The following KCNQ5 variants were observed in gnomAD, a reference collection of about 807,000 sequenced individuals.
KCNQ5 encodes potassium voltage-gated channel subfamily Q member 5, also known as potassium voltage-gated channel subfamily KQT member 5.
KCNQ5 carries 30 observed loss-of-function variants against 98.2 expected under a neutral mutation model. The observed-to-expected ratio is 0.31, with a 90% CI of 0.23 to 0.41. KCNQ5 has a LOEUF of 0.41. Among genes scored for constraint, KCNQ5 ranks in the 10% least tolerant of loss-of-function variants. KCNQ5 has a pLI of 1.00. For missense variants in KCNQ5, 835 were observed against 1,182.5 expected (o/e 0.71, Z 4.31); for synonymous variants, 458 against 449.4 (o/e 1.02, Z -0.24).
intron 3 of KCNQ5, among the ~76,000 whole-genome samples, chr6:73,063,340 G>A (rs1772868499): frequency 6.6e-6 from 1 of 152,146 alleles, no homozygotes; most frequent in Admixed American, 6.5e-5. Context: ...CGCCTGACCT[G>A]CAGCTTCAGG....
At chr6:72,947,415 A>G (rs1766598254) in intron 1 of KCNQ5, among the ~76,000 whole-genome samples, 1 of 152,174 alleles carries the variant, frequency 6.6e-6, no homozygotes, top group South Asian at 2.1e-4. Context: ...CATAACGGAG[A>G]TACAAGCAAG....
At chr6:72,806,991 G>A (rs1300092308) in intron 1 of KCNQ5, 1 of 247,732 alleles carries the variant, frequency 4.0e-6, no homozygotes, top group Non-Finnish European at 8.0e-6. Flanking sequence ...TGTATATGTT[G>A]CATTTCTCAT....
intron 1 of KCNQ5, among the ~76,000 whole-genome samples, chr6:72,931,602 T>A (rs1765696239): frequency 6.6e-6 from 1 of 152,076 alleles, no homozygotes; most frequent in South Asian, 2.1e-4. Flanking sequence ...AGTCAGCAGG[T>A]GGGAAAGCCA....
intron 1 of KCNQ5, among the ~76,000 whole-genome samples, chr6:72,999,642 T>C: frequency 6.6e-6 from 1 of 152,222 alleles, no homozygotes; most frequent in Non-Finnish European, 1.5e-5. Flanking sequence ...TTCAGCAATC[T>C]TGTGGAAACT....
intron 1 of KCNQ5, among the ~76,000 whole-genome samples, chr6:72,951,223 T>A (rs1766787578): frequency 6.6e-6 from 1 of 152,156 alleles, no homozygotes; most frequent in Non-Finnish European, 1.5e-5. Context: ...TTAAATTAAT[T>A]TAACCTCTTA....
chr6:72,802,576 A>G (rs1174634435), intron 1 of KCNQ5, among the ~76,000 whole-genome samples: 3 of 152,184 alleles, frequency 2.0e-5, no homozygotes, highest in Non-Finnish European at 4.4e-5. Context: ...CTTAGAAAGA[A>G]TTCTGTTTGT....
chr6:73,008,457 G>A (rs548164275), intron 2 of KCNQ5, among the ~76,000 whole-genome samples: 2 of 152,070 alleles, frequency 1.3e-5, no homozygotes, highest in South Asian at 4.1e-4. Context: ...GAGAGCAGAG[G>A]TGGCTATACT....
intron 2 of KCNQ5, among the ~76,000 whole-genome samples, chr6:73,006,988 G>A (rs1246168296): frequency 6.6e-6 from 1 of 152,104 alleles, no homozygotes; most frequent in African/African-American, 2.4e-5. Flanking sequence ...TTGTTCCCTT[G>A]AGGGCACCAG....
chr6:72,700,294 T>C (rs1319571574), intron 1 of KCNQ5, among the ~76,000 whole-genome samples: 2 of 84,596 alleles, frequency 2.4e-5, no homozygotes, highest in African/African-American at 5.8e-5. Flanking sequence ...TATATCTATA[T>C]CTATCTATCT....
At chr6:73,186,626 G>C (rs1411600305) in intron 11 of KCNQ5, among the ~76,000 whole-genome samples, 2 of 151,896 alleles carry the variant, frequency 1.3e-5, no homozygotes, top group Non-Finnish European at 1.5e-5. Context: ...CCATGGTACA[G>C]ACGCAATAGA....
intron 1 of KCNQ5, among the ~76,000 whole-genome samples, chr6:72,870,462 G>A (rs1238508184): frequency 6.6e-6 from 1 of 151,918 alleles, no homozygotes; most frequent in East Asian, 1.9e-4. Flanking sequence ...TGTTGTCCAG[G>A]CTGCTCTCGG....
At chr6:72,721,335 A>G (rs1769947733) in intron 1 of KCNQ5, among the ~76,000 whole-genome samples, 1 of 152,012 alleles carries the variant, frequency 6.6e-6, no homozygotes, top group South Asian at 2.1e-4. Context: ...CAGTGTTATT[A>G]TTTTAGGTTT....
At chr6:72,907,050 T>A (rs1235041987) in intron 1 of KCNQ5, among the ~76,000 whole-genome samples, 3 of 152,244 alleles carry the variant, frequency 2.0e-5, no homozygotes, top group African/African-American at 7.2e-5. Flanking sequence ...CCGTGCTTTT[T>A]TTCCATCTAG....
At chr6:72,932,769 T>G (rs972232801) in intron 1 of KCNQ5, among the ~76,000 whole-genome samples, 1 of 152,230 alleles carries the variant, frequency 6.6e-6, no homozygotes, top group Non-Finnish European at 1.5e-5. Flanking sequence ...ATATCCTGCA[T>G]AAATTATATG....
Position 72,638,039 on chromosome 6 carries a change from C to T in KCNQ5, c.398+15452C>T, listed in dbSNP as rs116495826. Among the ~76,000 whole-genome samples the T allele has an allele frequency of 3.6e-3, 551 of 152,262 alleles. 6 individuals are homozygous for T. Among genetic ancestry groups the T allele is most frequent in the African/African-American group, 0.013 (528 of 41,528 alleles). ...AGCAGCTACCCTAGTTATGTAGGTCCTACTTTAGTTGTGCACTGAGATCGT... is the reference window on the plus strand; with the variant it reads ...AGCAGCTACCCTAGTTATGTAGGTCTTACTTTAGTTGTGCACTGAGATCGT... On this transcript the variant is annotated intron_variant, in intron 1 of 13. Coordinates refer to ENST00000370398, the MANE Select transcript of KCNQ5 (RefSeq NM_019842.4).
chr6:73,132,783 C>T, intron 9 of KCNQ5, among the ~76,000 whole-genome samples: 1 of 152,180 alleles, frequency 6.6e-6, no homozygotes, highest in African/African-American at 2.4e-5. Context: ...TCATCACATT[C>T]ATTATCTGTT....
chr6:72,666,004 C>T (rs1307680974), intron 1 of KCNQ5, among the ~76,000 whole-genome samples: 2 of 152,200 alleles, frequency 1.3e-5, no homozygotes, highest in African/African-American at 2.4e-5. Flanking sequence ...TATTTGTTTC[C>T]GTAATCAGAA....
chr6:72,786,169 G>T (rs183097573), intron 1 of KCNQ5, among the ~76,000 whole-genome samples: 57 of 152,238 alleles, frequency 3.7e-4, no homozygotes, highest in Admixed American at 7.8e-4. Context: ...AAAATCCAGT[G>T]TGTATTTTAA....
chr6:73,043,182 GA>G, intron 3 of KCNQ5: 1 of 428,202 alleles, frequency 2.3e-6, no homozygotes, highest in South Asian at 1.8e-5. Flanking sequence ...GCACTGTTAA[GA>G]AGAATCCTTT....
Sources: gnomAD v4.1 joint callset for allele counts (sites outside exome capture counted in the v4.1 genomes callset) on GRCh38, gnomAD v4.1.1 for gene constraint, MANE v1.5 for transcripts, NCBI Gene and HGNC (gene_info 2026-07-23, HGNC 2026-07-21) for gene names.